The following UHRF2 variants were observed in gnomAD, a reference collection of about 807,000 sequenced individuals.
The protein encoded by UHRF2 is ubiquitin like with PHD and ring finger domains 2.
In UHRF2, 23 loss-of-function variants were observed where a neutral mutation model predicts 96.8. That is an observed-to-expected ratio of 0.24 (90% confidence interval 0.17 to 0.34). UHRF2 has a LOEUF of 0.34. Ranked by LOEUF, UHRF2 falls within the 10% of genes least tolerant of loss-of-function variation. The pLI, the probability that UHRF2 is intolerant of heterozygous loss-of-function variation, is 1.00. For missense variants in UHRF2, 685 were observed against 981.5 expected (o/e 0.70, Z 4.04); for synonymous variants, 385 against 332.6 (o/e 1.16, Z -1.72).
intron 4 of UHRF2, among the ~76,000 whole-genome samples, chr9:6,466,001 A>G (rs1185576533): frequency 6.6e-6 from 1 of 152,250 alleles, no homozygotes. Context: ...TTCACTTACT[A>G]CTGTAATATA....
At position 6,460,563 on chromosome 9, in the gene UHRF2, C is replaced by A; in HGVS notation, c.645-10C>A. On this transcript the variant is annotated splice_polypyrimidine_tract_variant and intron_variant, in intron 3 of 15. Transcript: ENST00000276893. The stretch of plus-strand genomic sequence containing the variant: ...GTAATCATAAGCCATATGGTTTTCT[C>A]TCTCCTCAGATACCCAGAAAGCGGT... 6.3e-7 allele frequency: 1 copy of A among 1,586,138 alleles called. No homozygotes were observed. Among genetic ancestry groups the A allele is most frequent in the Non-Finnish European group, 8.6e-7 (1 of 1,163,300 alleles).
chr9:6,460,925 A>G (rs1475513932), intron 4 of UHRF2, 134 bp downstream of exon 4: 2 of 656,244 alleles, frequency 3.0e-6, no homozygotes, highest in African/African-American at 1.9e-5. Context: ...CTGAAGGAGA[A>G]TATTTTTATA....
intron 9 of UHRF2, chr9:6,492,256 C>A: frequency 1.1e-6 from 1 of 908,704 alleles, no homozygotes; most frequent in Non-Finnish European, 1.5e-6. Flanking sequence ...TGCTCTCTTA[C>A]TTTCCATTAC....
At chr9:6,501,583 A>C (rs1179813959) in intron 14 of UHRF2, among the ~76,000 whole-genome samples, 2 of 152,142 alleles carry the variant, frequency 1.3e-5, no homozygotes, top group Non-Finnish European at 2.9e-5. Context: ...AAATTTATCA[A>C]ATATTTGGAT....
chr9:6,444,642 C>T (rs1054272029), intron 3 of UHRF2, among the ~76,000 whole-genome samples: 5 of 152,076 alleles, frequency 3.3e-5, no homozygotes, highest in Non-Finnish European at 7.4e-5. Flanking sequence ...GCTCTTGTTG[C>T]TTAGGCTGGA....
Position 6,497,794 on chromosome 9 carries a change from T to C in UHRF2, c.1768-224T>C, listed in dbSNP as rs528208035. On this transcript the variant is annotated intron_variant, in intron 11 of 15. Transcript: ENST00000276893. ...AAAATTCTGTTAATTAGCATAATCT[T>C]GTTACTCTATTAAATTTATAGCAGT... Among the ~76,000 whole-genome samples, 5 of 152,328 alleles carry C rather than the reference T, an allele frequency of 3.3e-5. No homozygotes were observed. In the East Asian group the frequency reaches 9.6e-4, roughly 29 times the overall value.
intron 4 of UHRF2, among the ~76,000 whole-genome samples, chr9:6,465,682 G>A (rs936493368): frequency 4.6e-5 from 7 of 151,930 alleles, no homozygotes; most frequent in Non-Finnish European, 1.0e-4. Context: ...GAGGTTTATC[G>A]GTTTTATTAG....
intron 12 of UHRF2, chr9:6,499,014 A>G (rs185303868): frequency 7.0e-4 from 106 of 152,342 alleles, no homozygotes; most frequent in African/African-American, 2.4e-3. Context: ...AAGGCCATCA[A>G]CTGCTAAAAC....
chr9:6,426,150 A>G (rs942281222), intron 2 of UHRF2, among the ~76,000 whole-genome samples: 28 of 152,264 alleles, frequency 1.8e-4, no homozygotes, highest in South Asian at 4.1e-4. Context: ...TCCCTCCCCA[A>G]TCGAATTCGG....
At chr9:6,456,557 T>A (rs766620784) in intron 3 of UHRF2, among the ~76,000 whole-genome samples, 6 of 152,260 alleles carry the variant, frequency 3.9e-5, no homozygotes, top group Non-Finnish European at 8.8e-5. Context: ...TTTGTCAATT[T>A]TGGCTTCTGT....
At chr9:6,458,008 G>T (rs1281726191) in intron 3 of UHRF2, among the ~76,000 whole-genome samples, 1 of 152,138 alleles carries the variant, frequency 6.6e-6, no homozygotes, top group Non-Finnish European at 1.5e-5. Context: ...GTATCAGGAT[G>T]ATGTTGGCCT....
At chr9:6,449,731 T>C (rs956384721) in intron 3 of UHRF2, among the ~76,000 whole-genome samples, 5 of 152,236 alleles carry the variant, frequency 3.3e-5, no homozygotes, top group African/African-American at 1.2e-4. Context: ...GTATGGTTTA[T>C]GCTGAACACT....
intron 4 of UHRF2, among the ~76,000 whole-genome samples, chr9:6,467,247 C>T (rs746861590): frequency 1.3e-5 from 2 of 152,188 alleles, no homozygotes; most frequent in African/African-American, 4.8e-5. Flanking sequence ...CTTTCTCCAC[C>T]TTCAAAGCCA....
At chr9:6,450,564 G>A (rs1821798067) in intron 3 of UHRF2, among the ~76,000 whole-genome samples, 1 of 152,140 alleles carries the variant, frequency 6.6e-6, no homozygotes, top group Non-Finnish European at 1.5e-5. Flanking sequence ...AGATTCAGGT[G>A]TTGTCAGCCT....
At chr9:6,495,619 A>G (rs1824919618) in intron 10 of UHRF2, 1 of 152,200 alleles carries the variant, frequency 6.6e-6, no homozygotes, top group South Asian at 2.1e-4. Context: ...GAGGGCAGCA[A>G]AGTAACCTGG....
At chr9:6,457,023 A>C (rs1822223735) in intron 3 of UHRF2, among the ~76,000 whole-genome samples, 1 of 152,158 alleles carries the variant, frequency 6.6e-6, no homozygotes. Flanking sequence ...AATTTAAAGT[A>C]GTTTTTTCTG....
intron 9 of UHRF2, among the ~76,000 whole-genome samples, chr9:6,491,211 C>T (rs1410013854): frequency 1.3e-5 from 2 of 152,194 alleles, no homozygotes; most frequent in Non-Finnish European, 2.9e-5. Context: ...CAGGAGAAGA[C>T]TCGGAAGCCA....
intron 10 of UHRF2, chr9:6,496,817 C>G (rs1825003837): frequency 6.2e-6 from 1 of 160,716 alleles, no homozygotes; most frequent in Non-Finnish European, 1.4e-5. Flanking sequence ...ACCTTACACC[C>G]TTACCAAAGA....
At chr9:6,447,929 A>C (rs1193333999) in intron 3 of UHRF2, among the ~76,000 whole-genome samples, 2 of 150,598 alleles carry the variant, frequency 1.3e-5, no homozygotes, top group African/African-American at 5.0e-5. Context: ...AATAGAACTA[A>C]AAACAAGAGG....
Sources: gnomAD v4.1 joint callset for allele counts (sites outside exome capture counted in the v4.1 genomes callset) on GRCh38, gnomAD v4.1.1 for gene constraint, MANE v1.5 for transcripts, NCBI Gene and HGNC (gene_info 2026-07-23, HGNC 2026-07-21) for gene names.